The following ROBO2 variants were observed in gnomAD, a reference collection of about 807,000 sequenced individuals.
ROBO2 encodes roundabout homolog 2.
A neutral mutation model predicts 160.8 loss-of-function variants in ROBO2; 53 were observed. The observed-to-expected ratio is 0.33, with a 90% CI of 0.26 to 0.41. The LOEUF (loss-of-function observed/expected upper bound fraction) is 0.41, where lower values mean the gene tolerates loss of function less well. ROBO2 is among the 10% of genes least tolerant of loss of function. The probability of loss-of-function intolerance (pLI) is 1.00; values close to 1 mark genes in which losing one functional copy is unlikely to be tolerated. For missense variants in ROBO2, 1,577 were observed against 1,722.4 expected, an observed-to-expected ratio of 0.92 and a Z score of 1.49; for synonymous variants, 664 against 611.7, an observed-to-expected ratio of 1.09 and a Z score of -1.26.
intron 2 of ROBO2, among the ~76,000 whole-genome samples, chr3:76,742,756 A>C (rs1473286539): frequency 2.6e-5 from 4 of 152,018 alleles, no homozygotes; most frequent in African/African-American, 9.6e-5. Flanking sequence ...TTTGGTTCAC[A>C]AAAAAATATG....
intron 2 of ROBO2, among the ~76,000 whole-genome samples, chr3:77,201,691 A>G (rs2082927748): frequency 6.6e-6 from 1 of 152,170 alleles, no homozygotes; most frequent in Non-Finnish European, 1.5e-5. Context: ...TAGCATGTGC[A>G]TATTGAACTG....
chr3:76,794,646 T>G (rs1353321572), intron 2 of ROBO2, among the ~76,000 whole-genome samples: 1 of 152,008 alleles, frequency 6.6e-6, no homozygotes, highest in Non-Finnish European at 1.5e-5. Context: ...TCATTAAAAT[T>G]TATTACAGCT....
intron 2 of ROBO2, among the ~76,000 whole-genome samples, chr3:76,874,025 G>A (rs148373052): frequency 6.6e-6 from 1 of 152,324 alleles, no homozygotes; most frequent in East Asian, 1.9e-4. Context: ...GTAGGCTAAA[G>A]AATGTAAATT....
exon 21 of ROBO2, chr3:77,607,933 C>A (rs754254170): frequency 6.2e-7 from 1 of 1,613,926 alleles, no homozygotes; most frequent in Admixed American, 1.7e-5. Flanking sequence ...GAACACTATG[C>A]AGTGGAACAA....
intron 2 of ROBO2, chr3:76,311,393 T>G: frequency 6.6e-6 from 1 of 152,168 alleles, no homozygotes; most frequent in East Asian, 1.9e-4. Flanking sequence ...CCGGACCCCC[T>G]GGAAAGGAAA....
intron 2 of ROBO2, among the ~76,000 whole-genome samples, chr3:76,868,859 T>G (rs1357390495): frequency 6.6e-6 from 1 of 152,064 alleles, no homozygotes; most frequent in Non-Finnish European, 1.5e-5. Context: ...TATCACCAAA[T>G]AATATTAGGA....
intron 2 of ROBO2, among the ~76,000 whole-genome samples, chr3:75,985,171 C>G (rs1400827959): frequency 6.6e-6 from 1 of 151,420 alleles, no homozygotes; most frequent in African/African-American, 2.4e-5. Flanking sequence ...TTCTATCAAA[C>G]TCTCACTGCT....
intron 2 of ROBO2, among the ~76,000 whole-genome samples, chr3:76,896,591 G>A (rs1343005230): frequency 2.0e-5 from 3 of 151,990 alleles, no homozygotes; most frequent in Non-Finnish European, 2.9e-5. Context: ...ATTCTTAATT[G>A]AGAATGTCCG....
intron 2 of ROBO2, among the ~76,000 whole-genome samples, chr3:76,400,517 C>A (rs940526178): frequency 1.3e-5 from 2 of 151,386 alleles, no homozygotes; most frequent in Non-Finnish European, 3.0e-5. Flanking sequence ...ACAATTACTA[C>A]AAAGAAACAT....
At chr3:76,945,834 T>C (rs1025605825) in intron 2 of ROBO2, among the ~76,000 whole-genome samples, 1 of 152,206 alleles carries the variant, frequency 6.6e-6, no homozygotes, top group African/African-American at 2.4e-5. Context: ...CTCTGGCTTT[T>C]GAACATATTG....
chr3:76,364,413 T>C (rs2075692828), intron 2 of ROBO2, among the ~76,000 whole-genome samples: 1 of 152,082 alleles, frequency 6.6e-6, no homozygotes, highest in Non-Finnish European at 1.5e-5. Flanking sequence ...GTGAGCTTCA[T>C]GAAAGCAAGC....
chr3:76,904,583 T>C (rs961623610), intron 2 of ROBO2, among the ~76,000 whole-genome samples: 2 of 152,150 alleles, frequency 1.3e-5, no homozygotes, highest in Admixed American at 1.3e-4. Context: ...TTCCACTCCT[T>C]TCTTACTGCC....
At chr3:76,286,148 A>G (rs1708494522) in intron 2 of ROBO2, among the ~76,000 whole-genome samples, 2 of 152,216 alleles carry the variant, frequency 1.3e-5, no homozygotes, top group Non-Finnish European at 2.9e-5. Flanking sequence ...TGGAATTGCC[A>G]CTTCCCATTC....
At chr3:76,154,866 A>C (rs1277261309) in intron 2 of ROBO2, among the ~76,000 whole-genome samples, 1 of 152,248 alleles carries the variant, frequency 6.6e-6, no homozygotes, top group Middle Eastern at 3.4e-3. Flanking sequence ...CTTTTCAGCA[A>C]CTGTTGACTT....
chr3:77,445,309 C>A (rs1341940719), intron 2 of ROBO2, among the ~76,000 whole-genome samples: 1 of 151,908 alleles, frequency 6.6e-6, no homozygotes, highest in African/African-American at 2.4e-5. Context: ...TTCTTAAAAC[C>A]AGTCAAATGA....
At chr3:75,935,381 G>C (rs1437048918) in intron 1 of ROBO2, among the ~76,000 whole-genome samples, 1 of 152,038 alleles carries the variant, frequency 6.6e-6, no homozygotes, top group African/African-American at 2.4e-5. Context: ...GGATGGTGGT[G>C]CGTGCCTGTA....
intron 2 of ROBO2, among the ~76,000 whole-genome samples, chr3:77,434,558 T>C (rs1370439252): frequency 6.6e-6 from 1 of 152,114 alleles, no homozygotes; most frequent in Non-Finnish European, 1.5e-5. Flanking sequence ...TTTATTGTTG[T>C]CACCATTTAT....
At chr3:76,433,941 G>C (rs2076550439) in intron 2 of ROBO2, 1 of 685,832 alleles carries the variant, frequency 1.5e-6, no homozygotes, top group South Asian at 1.7e-5. Context: ...TATCCATCTT[G>C]GGATTCTACT....
intron 5 of ROBO2, among the ~76,000 whole-genome samples, chr3:77,502,940 G>T (rs2087835173): frequency 6.6e-6 from 1 of 152,080 alleles, no homozygotes; most frequent in Admixed American, 6.5e-5. Context: ...CTCTTCTAGG[G>T]TATTGATAGT....
Sources: gnomAD v4.1 joint callset for allele counts (sites outside exome capture counted in the v4.1 genomes callset) on GRCh38, gnomAD v4.1.1 for gene constraint, MANE v1.5 for transcripts, NCBI Gene and HGNC (gene_info 2026-07-23, HGNC 2026-07-21) for gene names.